ZBTB16: variants seen among roughly 807,000 people sequenced by gnomAD.
The protein encoded by ZBTB16 is zinc finger and BTB domain containing 16.
Under a neutral mutation model 56.8 loss-of-function variants are expected in ZBTB16, and 8 were observed. That is an observed-to-expected ratio of 0.14 (90% CI 0.08 to 0.25). ZBTB16 has a LOEUF of 0.25. Ranked by LOEUF, ZBTB16 falls within the 10% of genes least tolerant of loss-of-function variation. The pLI is 1.00. For synonymous variants in ZBTB16, 363 were observed against 368.5 expected, an observed-to-expected ratio of 0.98 and a Z score of 0.17; for missense variants, 625 against 903.0, an observed-to-expected ratio of 0.69 and a Z score of 3.95.
In ZBTB16 at chr11:114,235,141, C is replaced by T. The variant is rs191800153; in HGVS notation, c.1454-7026C>T. Among the ~76,000 whole-genome samples, 130 of 152,212 alleles carry T rather than the reference C, an allele frequency of 8.5e-4. 2 individuals carry two copies. Among genetic ancestry groups the T allele is most frequent in the African/African-American group, 2.8e-3 (116 of 41,526 alleles). Reference sequence around the variant, plus strand: ...TCTTTCTGTGGGGAGAAGAAGCTTTCGGGGTGGCAGGGGAGGCAGTCCTTC... The same window carrying T: ...TCTTTCTGTGGGGAGAAGAAGCTTTTGGGGTGGCAGGGGAGGCAGTCCTTC... On this transcript the variant is annotated intron_variant, in intron 4 of 6. Coordinates refer to ENST00000335953, the MANE Select transcript of ZBTB16 (RefSeq NM_006006.6).
chr11:114,200,977 A>T (rs1010161654), intron 4 of ZBTB16, among the ~76,000 whole-genome samples: 4 of 152,174 alleles, frequency 2.6e-5, no homozygotes, highest in Non-Finnish European at 4.4e-5. Flanking sequence ...ACAAGGGCCT[A>T]TTTTATTCAG....
Position 114,242,344 on chromosome 11 carries a change from C to G in ZBTB16, c.1624+7C>G, listed in dbSNP as rs760986589. The G allele has an allele frequency of 1.2e-4, 187 of 1,612,780 alleles. No individual in the cohort carries two copies. The highest frequency in any genetic ancestry group is 1.6e-4 in the Non-Finnish European group (183 of 1,180,016). ...CACCTGCGCTCACATACAGGTAGGT[C>G]AGTCCAGCTGATGGGTGGATCTGGG... On this transcript the variant is annotated splice_region_variant and intron_variant, in intron 5 of 6. Transcript: ENST00000335953.
chr11:114,133,753 C>T (rs936187084), intron 2 of ZBTB16, among the ~76,000 whole-genome samples: 1 of 152,164 alleles, frequency 6.6e-6, no homozygotes, highest in African/African-American at 2.4e-5. Flanking sequence ...CCCCTGGTGG[C>T]CCAAGGGCAT....
chr11:114,228,794 G>A (rs886650214), intron 4 of ZBTB16, among the ~76,000 whole-genome samples: 7 of 152,276 alleles, frequency 4.6e-5, no homozygotes, highest in East Asian at 1.9e-4. Flanking sequence ...AGCTTCCCCC[G>A]CCCCCTTCCA....
intron 2 of ZBTB16, among the ~76,000 whole-genome samples, chr11:114,145,519 TGTGA>T (rs1365915051): frequency 1.3e-4 from 20 of 152,202 alleles, no homozygotes; most frequent in Admixed American, 9.2e-4. Flanking sequence ...AAACATGCTG[TGTGA>T]GAGAAGCCAG....
At chr11:114,228,730 G>A (rs2135166141) in intron 4 of ZBTB16, among the ~76,000 whole-genome samples, 1 of 152,354 alleles carries the variant, frequency 6.6e-6, no homozygotes, top group African/African-American at 2.4e-5. Context: ...CAGGCCGCCA[G>A]CCTGCTGTCT....
chr11:114,241,035 A>G (rs1303777047), intron 4 of ZBTB16, among the ~76,000 whole-genome samples: 1 of 152,106 alleles, frequency 6.6e-6, no homozygotes, highest in East Asian at 1.9e-4. Context: ...GAGTGTTCAC[A>G]GACACTATTC....
At chr11:114,085,348 C>G (rs543328571) in intron 2 of ZBTB16, among the ~76,000 whole-genome samples, 1 of 152,154 alleles carries the variant, frequency 6.6e-6, no homozygotes, top group Non-Finnish European at 1.5e-5. Flanking sequence ...AACAGTGAGG[C>G]CTTAGCCATA....
At chr11:114,157,553 C>T (rs1302689220) in intron 3 of ZBTB16, among the ~76,000 whole-genome samples, 2 of 152,182 alleles carry the variant, frequency 1.3e-5, no homozygotes, top group Admixed American at 1.3e-4. Context: ...GTGTCCCCAT[C>T]CGCTCGTTCC....
intron 4 of ZBTB16, among the ~76,000 whole-genome samples, chr11:114,197,096 C>A (rs927190391): frequency 6.6e-6 from 1 of 152,174 alleles, no homozygotes; most frequent in African/African-American, 2.4e-5. Flanking sequence ...AGAATTAGGG[C>A]CCACGAGTTC....
At chr11:114,220,826 A>C (rs895635975) in intron 4 of ZBTB16, among the ~76,000 whole-genome samples, 2 of 152,194 alleles carry the variant, frequency 1.3e-5, no homozygotes, top group Non-Finnish European at 2.9e-5. Flanking sequence ...GTAGGGATGC[A>C]CACCACAGCA....
intron 3 of ZBTB16, among the ~76,000 whole-genome samples, chr11:114,174,057 C>T (rs1024657343): frequency 1.2e-4 from 18 of 152,170 alleles, no homozygotes; most frequent in African/African-American, 4.1e-4. Context: ...TCTATAATAG[C>T]TTTAAGTGCT....
intron 2 of ZBTB16, among the ~76,000 whole-genome samples, chr11:114,132,889 CT>C (rs1941702925): frequency 6.6e-6 from 1 of 152,100 alleles, no homozygotes; most frequent in African/African-American, 2.4e-5. Flanking sequence ...GTCTCCCCTC[CT>C]TTCTCTGAGA....
chr11:114,146,639 G>A (rs551659903), intron 2 of ZBTB16, among the ~76,000 whole-genome samples: 1 of 152,090 alleles, frequency 6.6e-6, no homozygotes, highest in South Asian at 2.1e-4. Flanking sequence ...TTGAGGTCAG[G>A]AGTTGGAGAC....
intron 4 of ZBTB16, among the ~76,000 whole-genome samples, chr11:114,228,636 T>TA (rs1944377300): frequency 6.6e-6 from 1 of 152,188 alleles, no homozygotes; most frequent in South Asian, 2.1e-4. Context: ...AGCGTGTTGA[T>TA]ACGTAGGATG....
At chr11:114,088,683 A>G (rs1053325912) in intron 2 of ZBTB16, among the ~76,000 whole-genome samples, 1 of 152,192 alleles carries the variant, frequency 6.6e-6, no homozygotes, top group Non-Finnish European at 1.5e-5. Flanking sequence ...GAATATCTGC[A>G]TTGTGCTAAG....
Position 114,198,770 on chromosome 11 carries a change from A to G in ZBTB16, c.1453+11732A>G, listed in dbSNP as rs535856160. On this transcript the variant is annotated intron_variant, in intron 4 of 6. Transcript: ENST00000335953. ...GGCACATCATTGTCACCCAGGGCCC[A>G]CAGTTCACATGAGGGTTCACTCCTG... 7.2e-5 allele frequency among the ~76,000 whole-genome samples: 11 copies of G among 152,348 alleles called. 1 individual carries two copies. In the East Asian group the frequency reaches 2.1e-3, roughly 29 times the overall value.
chr11:114,203,736 C>T (rs1437408117), intron 4 of ZBTB16, among the ~76,000 whole-genome samples: 2 of 152,222 alleles, frequency 1.3e-5, no homozygotes, highest in East Asian at 3.8e-4. Context: ...GCAGGTAACG[C>T]TTTGCATCAT....
Position 114,250,672 on chromosome 11 carries a change from G to C in ZBTB16, c.*117G>C. ...AAGAAAAAAAAAAACAGAAGGAAAA[G>C]GAAACCTGGTAGCTTTTTGGCCTTG... On this transcript the variant is annotated 3_prime_UTR_variant, in exon 7 of 7. Transcript: ENST00000335953. This position sits in a 1 kb window ranked among gnomAD's most constrained non-coding sequence, Gnocchi z 6.0. The C allele has an allele frequency of 8.2e-7, 1 of 1,214,164 alleles. No individual in the cohort carries two copies. The allele number at this position is 1,214,164 out of a possible 1,614,324, so 75.2% of individuals were successfully genotyped here.
Sources: gnomAD v4.1 joint callset for allele counts (sites outside exome capture counted in the v4.1 genomes callset) on GRCh38, gnomAD v4.1.1 for gene constraint, Gnocchi (gnomAD v3.1) non-coding constraint, MANE v1.5 for transcripts, NCBI Gene and HGNC (gene_info 2026-07-23, HGNC 2026-07-21) for gene names.